The following AUTS2 variants were observed in gnomAD, a reference collection of about 807,000 sequenced individuals.
AUTS2 encodes activator of transcription and developmental regulator AUTS2, also known as autism susceptibility gene 2 protein.
A neutral mutation model predicts 112.4 loss-of-function variants in AUTS2; 17 were observed. The observed-to-expected ratio is 0.15, with a 90% CI of 0.10 to 0.23. The LOEUF (loss-of-function observed/expected upper bound fraction) is 0.23. Ranked by LOEUF, AUTS2 falls within the 10% of genes least tolerant of loss-of-function variation. The probability of loss-of-function intolerance (pLI) is 1.00; values close to 1 mark genes in which losing one functional copy is unlikely to be tolerated. For synonymous variants in AUTS2, 751 were observed against 702.7 expected (o/e 1.07, Z -1.09); for missense variants, 1,510 against 1,701.6 (o/e 0.89, Z 1.98).
intron 2 of AUTS2, among the ~76,000 whole-genome samples, chr7:70,071,166 T>C (rs1385276543): frequency 1.3e-5 from 2 of 152,320 alleles, no homozygotes; most frequent in African/African-American, 4.8e-5. Context: ...AACACTACTT[T>C]AGGAATCTTA....
In AUTS2 at chr7:70,522,288, G is replaced by A. The variant is rs2129495190; in HGVS notation, c.690+86507G>A. ...AACTAAGAAAAAAACACAGATATGG[G>A]AAACTTTTTTTATAATTTCAGCTTT... is the stretch of plus-strand genomic sequence containing the variant. On this transcript the variant is annotated intron_variant, in intron 5 of 18. Transcript: ENST00000342771. 2.0e-5 allele frequency among the ~76,000 whole-genome samples: 3 copies of A among 152,276 alleles called. 1 individual carries two copies. The Middle Eastern group carries it at 0.01, about 518-fold the overall frequency.
intron 4 of AUTS2, among the ~76,000 whole-genome samples, chr7:70,350,041 G>C (rs144792682): frequency 6.6e-6 from 1 of 152,334 alleles, no homozygotes; most frequent in East Asian, 1.9e-4. Flanking sequence ...GTGTTTGGAA[G>C]TGCATTTGAG....
chr7:70,352,222 C>T (rs1735218112), intron 4 of AUTS2, among the ~76,000 whole-genome samples: 1 of 152,146 alleles, frequency 6.6e-6, no homozygotes, highest in Non-Finnish European at 1.5e-5. Context: ...ATGCTCTTAA[C>T]CCCTGCACTG....
At chr7:70,607,004 G>A (rs566151841) in intron 5 of AUTS2, among the ~76,000 whole-genome samples, 13 of 152,194 alleles carry the variant, frequency 8.5e-5, no homozygotes, top group South Asian at 4.1e-4. Context: ...TAGTGATAGC[G>A]AGCCCCAGTT....
intron 1 of AUTS2, among the ~76,000 whole-genome samples, chr7:69,834,153 CT>C (rs933391513): frequency 3.3e-5 from 5 of 152,154 alleles, no homozygotes; most frequent in African/African-American, 1.2e-4. Flanking sequence ...CTCTACGTCA[CT>C]CTTCTTTACA....
rs563467416 is a variant in AUTS2 at position 70,049,191 on chromosome 7, G to C, written c.523-68941G>C. Among the ~76,000 whole-genome samples the C allele has an allele frequency of 9.5e-4, 144 of 152,222 alleles. 1 individual carries two copies. Among genetic ancestry groups the C allele is most frequent in the Admixed American group, 1.4e-3 (22 of 15,292 alleles). Reference sequence around the variant, plus strand: ...TGTTGGACTTATAGGCTGACTTATAGGCTGTTTCAAATTTTTAATTTATAT... The same window carrying C: ...TGTTGGACTTATAGGCTGACTTATACGCTGTTTCAAATTTTTAATTTATAT... On this transcript the variant is annotated intron_variant, in intron 2 of 18. Coordinates refer to ENST00000342771, the MANE Select transcript of AUTS2 (RefSeq NM_015570.4).
At chr7:70,736,316 C>T (rs1004016990) in intron 6 of AUTS2, among the ~76,000 whole-genome samples, 1 of 151,152 alleles carries the variant, frequency 6.6e-6, no homozygotes, top group African/African-American at 2.4e-5. Flanking sequence ...TCAATCACTC[C>T]TCTAGAAATG....
rs1798567695 is a variant in AUTS2, at chr7:69,987,636, T to C, written c.522+88138T>C. Among the ~76,000 whole-genome samples the C allele has an allele frequency of 2.0e-5, 3 of 152,100 alleles. No homozygotes were observed. In the South Asian group the frequency reaches 6.2e-4, roughly 32 times the overall value. ...GTGCGCCACTATGCCCTGTAAATTT[T>C]TTTAAAATATTTTAATAGAGACCAG... On this transcript the variant is annotated intron_variant, in intron 2 of 18. Transcript: ENST00000342771.
chr7:70,754,628 T>G (rs1214447299), intron 6 of AUTS2, among the ~76,000 whole-genome samples: 1 of 152,240 alleles, frequency 6.6e-6, no homozygotes, highest in Non-Finnish European at 1.5e-5. Flanking sequence ...CACTTTAAAG[T>G]CTGGGTTAAT....
In AUTS2 at chr7:69,598,882, A is replaced by ATCCTCCTTCCCTTCC. The variant is rs1792196169; in HGVS notation, c.-768_-754dup. 6.5e-6 allele frequency: 1 copy of ATCCTCCTTCCCTTCC among 153,032 alleles called. No homozygotes were observed. Among genetic ancestry groups the ATCCTCCTTCCCTTCC allele is most frequent in the Admixed American group, 6.5e-5 (1 of 15,272 alleles). 9.5% of individuals were successfully genotyped at this position (153,032 alleles called of 1,614,324 possible). On this transcript the variant is annotated 5_prime_UTR_variant, in exon 1 of 19. Coordinates refer to ENST00000342771, the MANE Select transcript of AUTS2 (RefSeq NM_015570.4). ...CAAACCCCACAACTGCTCCAGCAGC[A>ATCCTCCTTCCCTTCC]TCCTCCTTCCCTTCCTCCGCCTCCC...
At chr7:70,438,790 A>C (rs1181429572) in intron 5 of AUTS2, among the ~76,000 whole-genome samples, 3 of 152,084 alleles carry the variant, frequency 2.0e-5, no homozygotes, top group Non-Finnish European at 2.9e-5. Flanking sequence ...TCGCATTCGA[A>C]TCTGAATTGC....
chr7:70,013,511 A>G (rs551551684), intron 2 of AUTS2, among the ~76,000 whole-genome samples: 1 of 152,246 alleles, frequency 6.6e-6, no homozygotes, highest in African/African-American at 2.4e-5. Flanking sequence ...TCCCCTCTCC[A>G]CATTTGACTG....
chr7:69,902,118 T>C (rs550779926), intron 2 of AUTS2, among the ~76,000 whole-genome samples: 21 of 152,272 alleles, frequency 1.4e-4, no homozygotes, highest in Admixed American at 1.0e-3. Flanking sequence ...TGAAGACATT[T>C]AAAGGAGAAG....
intron 4 of AUTS2, among the ~76,000 whole-genome samples, chr7:70,380,170 A>G (rs145427272): frequency 0.013 from 1,910 of 152,302 alleles, 15 homozygotes; most frequent in Non-Finnish European, 0.019. Flanking sequence ...TCATTGTAAC[A>G]TTTGACTTGA....
At chr7:70,251,386 C>A (rs763065523) in intron 4 of AUTS2, among the ~76,000 whole-genome samples, 19 of 152,094 alleles carry the variant, frequency 1.2e-4, no homozygotes, top group Non-Finnish European at 2.2e-4. Context: ...TCAACAAATA[C>A]AAGTAAATTA....
intron 4 of AUTS2, among the ~76,000 whole-genome samples, chr7:70,266,290 C>CA (rs1356543416): frequency 6.6e-6 from 1 of 152,136 alleles, no homozygotes; most frequent in Non-Finnish European, 1.5e-5. Flanking sequence ...AGCCAGACAC[C>CA]AAACGGCACA....
At chr7:69,864,213 C>T (rs891082122) in intron 1 of AUTS2, among the ~76,000 whole-genome samples, 1 of 152,200 alleles carries the variant, frequency 6.6e-6, no homozygotes, top group African/African-American at 2.4e-5. Flanking sequence ...TTCAAATTCT[C>T]AGACATTCAC....
chr7:70,485,772 T>C (rs1025882259), intron 5 of AUTS2, among the ~76,000 whole-genome samples: 1 of 152,178 alleles, frequency 6.6e-6, no homozygotes, highest in African/African-American at 2.4e-5. Context: ...CACATTTCCT[T>C]CTTTATAATT....
intron 7 of AUTS2, 100 bp from the exon 8 acceptor site, chr7:70,764,650 CTG>C (rs1789796983): frequency 1.5e-6 from 1 of 658,364 alleles, no homozygotes; most frequent in Middle Eastern, 4.0e-4. Context: ...GCAAGAGAGA[CTG>C]TGGTGAGGGT....
Sources: gnomAD v4.1 joint callset for allele counts (sites outside exome capture counted in the v4.1 genomes callset) on GRCh38, gnomAD v4.1.1 for gene constraint, MANE v1.5 for transcripts, NCBI Gene and HGNC (gene_info 2026-07-23, HGNC 2026-07-21) for gene names.